QTMAN: variants seen among roughly 807,000 people sequenced by gnomAD.
QTMAN encodes tRNA-queuosine alpha-mannosyltransferase.
chr2:144,266,322 A>T, the QTMAN span, among the ~76,000 whole-genome samples: 1 of 152,218 alleles, frequency 6.6e-6, no homozygotes, highest in African/African-American at 2.4e-5. Context: ...AAAATGGCAA[A>T]AAGTGGTTGT....
At chr2:144,141,980 C>T in the QTMAN span, 1 of 1,610,504 alleles carries the variant, frequency 6.2e-7, no homozygotes, top group Non-Finnish European at 8.5e-7. Context: ...GAATCAGCTT[C>T]ATAAATTTTC....
chr2:144,192,363 T>C, the QTMAN span, among the ~76,000 whole-genome samples: 1 of 152,118 alleles, frequency 6.6e-6, no homozygotes, highest in South Asian at 2.1e-4. Flanking sequence ...TGCCTCAGCC[T>C]CCCAAAGTAC....
the QTMAN span, among the ~76,000 whole-genome samples, chr2:144,090,783 C>T: frequency 4.0e-5 from 6 of 151,890 alleles, no homozygotes; most frequent in African/African-American, 1.5e-4. Flanking sequence ...ATTGAGTTAC[C>T]ATTTCAAACC....
chr2:144,026,795 T>A, the QTMAN span, among the ~76,000 whole-genome samples: 1 of 152,186 alleles, frequency 6.6e-6, no homozygotes, highest in Non-Finnish European at 1.5e-5. Flanking sequence ...CAGGCAAGAA[T>A]ATGTACTCAA....
the QTMAN span, chr2:144,211,193 T>G: frequency 6.6e-6 from 1 of 152,120 alleles, no homozygotes; most frequent in Non-Finnish European, 1.5e-5. Flanking sequence ...TCCTATAGAT[T>G]CAAGACGCTC....
the QTMAN span, among the ~76,000 whole-genome samples, chr2:144,284,291 T>C: frequency 3.9e-5 from 6 of 152,012 alleles, no homozygotes; most frequent in South Asian, 4.1e-4. Flanking sequence ...ATAATATTCA[T>C]GTGCAAATAT....
the QTMAN span, among the ~76,000 whole-genome samples, chr2:144,294,832 A>G: frequency 6.6e-6 from 1 of 152,156 alleles, no homozygotes; most frequent in Non-Finnish European, 1.5e-5. Context: ...AAGTGTCTGG[A>G]AATAAAGCTG....
the QTMAN span, among the ~76,000 whole-genome samples, chr2:143,976,802 T>A: frequency 6.6e-6 from 1 of 152,216 alleles, no homozygotes; most frequent in African/African-American, 2.4e-5. Flanking sequence ...ATCATTTACT[T>A]AAGAGTTGAC....
At chr2:144,289,290 G>C in the QTMAN span, among the ~76,000 whole-genome samples, 1 of 152,132 alleles carries the variant, frequency 6.6e-6, no homozygotes, top group South Asian at 2.1e-4. Flanking sequence ...GCCTCACAAA[G>C]TGCTGGAATT....
At chr2:144,270,221 T>C in the QTMAN span, among the ~76,000 whole-genome samples, 1 of 152,140 alleles carries the variant, frequency 6.6e-6, no homozygotes, top group African/African-American at 2.4e-5. Flanking sequence ...TGTAAATTAG[T>C]TCAACCACTG....
chr2:144,115,318 GC>G, the QTMAN span, among the ~76,000 whole-genome samples: 1 of 152,190 alleles, frequency 6.6e-6, no homozygotes, highest in Non-Finnish European at 1.5e-5. Flanking sequence ...AAGTAAGAAT[GC>G]TCTGGCTAAG....
chr2:144,032,539 G>T, the QTMAN span, among the ~76,000 whole-genome samples: 1 of 152,166 alleles, frequency 6.6e-6, no homozygotes, highest in Non-Finnish European at 1.5e-5. Context: ...AAGCCCAAGG[G>T]TGGAGACATC....
the QTMAN span, among the ~76,000 whole-genome samples, chr2:144,226,419 C>T: frequency 6.6e-6 from 1 of 152,106 alleles, no homozygotes; most frequent in Non-Finnish European, 1.5e-5. Flanking sequence ...TCATTACTTC[C>T]AAAAGTATGA....
chr2:143,945,287 C>G, the QTMAN span: 3 of 152,182 alleles, frequency 2.0e-5, no homozygotes, highest in Non-Finnish European at 4.4e-5. Context: ...CAAAATAGTT[C>G]CTGAGCTCTT....
chr2:144,156,600 T>C, the QTMAN span, among the ~76,000 whole-genome samples: 2 of 152,086 alleles, frequency 1.3e-5, no homozygotes, highest in African/African-American at 4.8e-5. Flanking sequence ...GGGAAACATT[T>C]AAAAGCCACT....
chr2:144,203,925 G>A, the QTMAN span, among the ~76,000 whole-genome samples: 1 of 152,016 alleles, frequency 6.6e-6, no homozygotes, highest in Non-Finnish European at 1.5e-5. Flanking sequence ...AATGGTGCTG[G>A]GAAAACTGGC....
At chr2:144,236,434 T>C in the QTMAN span, among the ~76,000 whole-genome samples, 1 of 152,132 alleles carries the variant, frequency 6.6e-6, no homozygotes, top group African/African-American at 2.4e-5. Flanking sequence ...TCATGACTTT[T>C]CCTGTTCTGT....
At chr2:143,968,890 C>T in the QTMAN span, among the ~76,000 whole-genome samples, 1 of 152,124 alleles carries the variant, frequency 6.6e-6, no homozygotes, top group Non-Finnish European at 1.5e-5. Context: ...GAGGGTCTTA[C>T]TGTGATTCTG....
the QTMAN span, among the ~76,000 whole-genome samples, chr2:143,967,471 C>T: frequency 6.6e-6 from 1 of 151,996 alleles, no homozygotes; most frequent in Non-Finnish European, 1.5e-5. Context: ...GCTGGGATTA[C>T]CCGCGTGCAC....
Sources: gnomAD v4.1 joint callset for allele counts (sites outside exome capture counted in the v4.1 genomes callset) on GRCh38, gnomAD v4.1.1 for gene constraint, MANE v1.5 for transcripts, NCBI Gene and HGNC (gene_info 2026-07-23, HGNC 2026-07-21) for gene names.